The following EDN1 variants were observed in gnomAD, a reference collection of about 807,000 sequenced individuals.
The protein encoded by EDN1 is endothelin-1.
A neutral mutation model predicts 21.7 loss-of-function variants in EDN1; 11 were observed. That is an observed-to-expected ratio of 0.51 (90% CI 0.32 to 0.84). The LOEUF is 0.84. Ranked by LOEUF, EDN1 falls within the 40% of genes least tolerant of loss-of-function variation. The probability of loss-of-function intolerance (pLI) is 0.03; values close to 1 mark genes in which losing one functional copy is unlikely to be tolerated. For synonymous variants in EDN1, 85 were observed against 90.6 expected, an observed-to-expected ratio of 0.94 and a Z score of 0.35; for missense variants, 244 against 262.3, an observed-to-expected ratio of 0.93 and a Z score of 0.48.
chr6:12,244,984 G>C, the EDN1 span, among the ~76,000 whole-genome samples: 308 of 152,236 alleles, frequency 2.0e-3, no homozygotes, highest in African/African-American at 7.2e-3. Context: ...TGTTACAAAA[G>C]ATTGTGATAA....
chr6:12,293,944 C>G lies in EDN1; in HGVS notation c.237C>G (p.His79Gln). Residue 79 changes from histidine (H) to glutamine (Q), a missense_variant, in exon 3 of 5, where the codon CAC (histidine) becomes CAG (glutamine). His to Gln is a conservative substitution (Grantham distance 24, BLOSUM62 0). Coordinates refer to ENST00000379375, the MANE Select transcript of EDN1 (RefSeq NM_001955.5). Reference protein sequence around the residue: ...LDIIWVNTPEHVVPYGLGSPR... With the variant: ...LDIIWVNTPEQVVPYGLGSPR... Reference sequence around the variant, plus strand: ...TCTTTCTCTCTTTGGATAATAGGCACGTTGTTCCGTATGGACTTGGAAGCC... The same window carrying G: ...TCTTTCTCTCTTTGGATAATAGGCAGGTTGTTCCGTATGGACTTGGAAGCC... The G allele has an allele frequency of 6.2e-7, 1 of 1,614,112 alleles. No individual in the cohort carries two copies. The highest frequency in any genetic ancestry group is 1.1e-5 in the South Asian group (1 of 91,082).
rs1762646991 is a variant in EDN1, at chr6:12,290,540, C to T, written c.-90C>T. 2 of 1,074,472 alleles carry T rather than the reference C, an allele frequency of 1.9e-6. No homozygotes were observed. The highest frequency in any genetic ancestry group is 1.3e-5 in the South Asian group (1 of 77,848). The allele number at this position is 1,074,472 out of a possible 1,614,324, so 66.6% of individuals were successfully genotyped here. A position where few individuals can be genotyped will look rare whatever the true frequency, so the allele number is the denominator to read the frequency against. On this transcript the variant is annotated 5_prime_UTR_variant, in exon 1 of 5. Transcript: ENST00000379375. The stretch of plus-strand genomic sequence containing the variant: ...AGGATCGCTTTGAGATCTGAGGAAC[C>T]CGCAGCGCTTTGAGGGACCTGAAGC...
the EDN1 span, among the ~76,000 whole-genome samples, chr6:12,264,874 A>C: frequency 6.6e-6 from 1 of 152,212 alleles, no homozygotes; most frequent in Non-Finnish European, 1.5e-5. Context: ...ACAAATTCAT[A>C]ATATTAATAA....
chr6:12,282,625 T>C, the EDN1 span, among the ~76,000 whole-genome samples: 1 of 152,196 alleles, frequency 6.6e-6, no homozygotes, highest in Non-Finnish European at 1.5e-5. Flanking sequence ...TCTTCTTCTT[T>C]AAAAGTAAGT....
At chr6:12,275,802 C>G in the EDN1 span, among the ~76,000 whole-genome samples, 2 of 147,162 alleles carry the variant, frequency 1.4e-5, no homozygotes, top group African/African-American at 5.0e-5. Context: ...TTGGGGGCAC[C>G]GTGTGTGTGT....
chr6:12,246,930 T>C, the EDN1 span, among the ~76,000 whole-genome samples: 1 of 152,338 alleles, frequency 6.6e-6, no homozygotes, highest in East Asian at 1.9e-4. Flanking sequence ...TGTAGCACTA[T>C]TGAACATATG....
At chr6:12,289,813 G>T (rs1236814830), upstream of EDN1, among the ~76,000 whole-genome samples, 3 of 152,184 alleles carry the variant, frequency 2.0e-5, no homozygotes, top group East Asian at 5.8e-4. Context: ...GCAGGAAGGG[G>T]CTTGAAGAGA....
the EDN1 span, among the ~76,000 whole-genome samples, chr6:12,255,510 C>G: frequency 6.6e-6 from 1 of 152,206 alleles, no homozygotes; most frequent in African/African-American, 2.4e-5. Context: ...ACCAGGAAGT[C>G]TAATATCACC....
the EDN1 span, among the ~76,000 whole-genome samples, chr6:12,275,657 A>T: frequency 6.6e-6 from 1 of 152,132 alleles, no homozygotes; most frequent in East Asian, 1.9e-4. Context: ...AAACAATTTC[A>T]GGTTAAAGAA....
Position 12,292,357 on chromosome 6 carries a change from G to C in EDN1, c.81G>C (p.Glu27Asp), listed in dbSNP as rs1762705280. 6.2e-7 allele frequency: 1 copy of C among 1,614,052 alleles called. No homozygotes were observed. Among genetic ancestry groups the C allele is most frequent in the African/African-American group, 1.3e-5 (1 of 75,062 alleles). The change falls in exon 2 of 5, where the codon GAG (glutamate) becomes GAC (aspartate). Residue 27 changes from glutamate (E) to aspartate (D), a missense_variant. Transcript: ENST00000379375. ...GAPETAVLGA[E>D]LSAVGENGGE... ...TCTCCCCAGCAGTCTTAGGCGCTGAGCTCAGCGCGGTGGGTGAGAACGGCG... is the reference window on the plus strand; with the variant it reads ...TCTCCCCAGCAGTCTTAGGCGCTGACCTCAGCGCGGTGGGTGAGAACGGCG...
At chr6:12,281,097 C>T in the EDN1 span, among the ~76,000 whole-genome samples, 1 of 152,130 alleles carries the variant, frequency 6.6e-6, no homozygotes, top group Non-Finnish European at 1.5e-5. Flanking sequence ...TGCTCAGCCT[C>T]AAAACCATGT....
At chr6:12,292,766 A>G (rs918155286) in intron 2 of EDN1, among the ~76,000 whole-genome samples, 16 of 152,098 alleles carry the variant, frequency 1.1e-4, no homozygotes, top group African/African-American at 3.6e-4. Context: ...GCACGTTTCA[A>G]ATGAGGAACT....
the EDN1 span, among the ~76,000 whole-genome samples, chr6:12,275,771 G>A: frequency 4.6e-5 from 7 of 151,414 alleles, no homozygotes; most frequent in Admixed American, 1.3e-4. Flanking sequence ...CTCTTTGAGC[G>A]AGAGGACTTG....
the EDN1 span, among the ~76,000 whole-genome samples, chr6:12,233,851 A>T: frequency 2.1e-4 from 32 of 152,294 alleles, no homozygotes; most frequent in African/African-American, 7.7e-4. Context: ...TACTCCTTGA[A>T]CTGCTGCTCA....
At chr6:12,269,777 T>G in the EDN1 span, among the ~76,000 whole-genome samples, 1 of 152,018 alleles carries the variant, frequency 6.6e-6, no homozygotes, top group Non-Finnish European at 1.5e-5. Flanking sequence ...CTTTTTTTGG[T>G]TATGTTCTTC....
the EDN1 span, among the ~76,000 whole-genome samples, chr6:12,241,323 C>A: frequency 1.3e-5 from 2 of 151,916 alleles, no homozygotes; most frequent in African/African-American, 4.8e-5. Context: ...GCACCCCACA[C>A]CCGGCTAATT....
the EDN1 span, among the ~76,000 whole-genome samples, chr6:12,259,069 CA>C: frequency 6.6e-6 from 1 of 152,130 alleles, no homozygotes. Flanking sequence ...TTTATGTTGA[CA>C]ATACATGGTG....
At chr6:12,231,662 T>G in the EDN1 span, among the ~76,000 whole-genome samples, 5 of 152,202 alleles carry the variant, frequency 3.3e-5, no homozygotes, top group Non-Finnish European at 5.9e-5. Context: ...AAATTTATTT[T>G]ATTAAACAGA....
At chr6:12,284,748 G>GA in the EDN1 span, among the ~76,000 whole-genome samples, 1,849 of 78,422 alleles carry the variant, frequency 0.024, 31 homozygotes, top group Middle Eastern at 0.043. Flanking sequence ...AGGAAGGAAG[G>GA]AAGAAAGAAA....
Sources: allele counts gnomAD v4.1 joint callset (sites outside exome capture counted in the v4.1 genomes callset), GRCh38; gene constraint gnomAD v4.1.1; transcripts MANE v1.5; gene names NCBI Gene and HGNC (gene_info 2026-07-23, HGNC 2026-07-21).